MYOM1: variants seen among roughly 807,000 people sequenced by gnomAD.
MYOM1 encodes the protein myomesin-1.
Under a neutral mutation model 205.3 loss-of-function variants are expected in MYOM1, and 164 were observed. The observed-to-expected ratio is 0.80, with a 90% CI of 0.70 to 0.91. The LOEUF (loss-of-function observed/expected upper bound fraction) is 0.91. MYOM1 is among the 40% of genes least tolerant of loss of function. MYOM1 has a pLI of 0.00. For synonymous variants in MYOM1, 772 were observed against 789.4 expected (o/e 0.98, Z 0.37); for missense variants, 2,011 against 2,127.3 (o/e 0.95, Z 1.08).
intron 17 of MYOM1, among the ~76,000 whole-genome samples, chr18:3,130,288 C>T (rs2079856184): frequency 6.6e-6 from 1 of 152,066 alleles, no homozygotes; most frequent in Non-Finnish European, 1.5e-5. Context: ...AGTGATCCAC[C>T]CGCCTTAGCC....
chr18:3,122,304 AAGAT>A (rs956154700), intron 19 of MYOM1, among the ~76,000 whole-genome samples: 3 of 152,176 alleles, frequency 2.0e-5, no homozygotes, highest in African/African-American at 4.8e-5. Context: ...AAGTTTCAGA[AAGAT>A]AGAAAGTTAA....
the MYOM1 span, among the ~76,000 whole-genome samples, chr18:3,232,698 C>T: frequency 6.6e-5 from 10 of 152,280 alleles, no homozygotes; most frequent in Non-Finnish European, 1.3e-4. Flanking sequence ...TTCTATTCAA[C>T]TTATTATGCT....
chr18:3,245,018 CGACT>C, the MYOM1 span, among the ~76,000 whole-genome samples: 5 of 151,224 alleles, frequency 3.3e-5, no homozygotes, highest in East Asian at 5.8e-4. Flanking sequence ...AGGGAGAAGG[CGACT>C]GACTATCTGC....
At position 3,164,337 on chromosome 18, in the gene MYOM1, G is replaced by C. The variant is rs370177143; in HGVS notation, c.1442C>G (p.Thr481Arg). The C allele has an allele frequency of 7.4e-6, 12 of 1,612,608 alleles. No individual in the cohort carries two copies. Among genetic ancestry groups the C allele is most frequent in the East Asian group, 4.5e-5 (2 of 44,900 alleles). ...ATATTCTCCCATCCGTACACGGATT[G>C]TATAGAGGCCTTCATCTTCTTTGTT... Reference protein sequence around the residue: ...HLNKEDEGLYTIRVRMGEYYE... With the variant: ...HLNKEDEGLYRIRVRMGEYYE... Residue 481 changes from threonine to arginine, a missense_variant, in exon 10 of 38, where the codon ACA becomes AGA. Physicochemically the swap from Thr to Arg is moderately conservative, Grantham distance 71. Transcript: ENST00000356443.
chr18:3,128,003 GGGTGAAGT>G (rs2143871800), intron 18 of MYOM1, among the ~76,000 whole-genome samples: 1 of 152,262 alleles, frequency 6.6e-6, no homozygotes, highest in East Asian at 1.9e-4. Flanking sequence ...TGAAGAGAGG[GGGTGAAGT>G]GGTGGAAAGA....
intron 21 of MYOM1, 121 bp downstream of exon 21, chr18:3,116,210 C>T (rs2079602655): frequency 4.7e-6 from 5 of 1,055,256 alleles, no homozygotes; most frequent in Non-Finnish European, 6.7e-6. Flanking sequence ...TGGAATCTTA[C>T]CAGGAGCCCA....
At chr18:3,154,916 A>G (rs1250385918) in intron 11 of MYOM1, 31 bp downstream of exon 11, 2 of 1,599,102 alleles carry the variant, frequency 1.3e-6, no homozygotes, top group African/African-American at 2.7e-5. Context: ...ATGACCAAAT[A>G]ACTGTAATTG....
intron 11 of MYOM1, among the ~76,000 whole-genome samples, 176 bp downstream of exon 11, chr18:3,154,771 C>A (rs1053473578): frequency 2.0e-5 from 3 of 147,402 alleles, no homozygotes; most frequent in South Asian, 2.2e-4. Context: ...AAAGAGAGAG[C>A]GAGAGACTGA....
At chr18:3,186,832 AAG>A (rs1285240453) in intron 5 of MYOM1, among the ~76,000 whole-genome samples, 1 of 151,026 alleles carries the variant, frequency 6.6e-6, no homozygotes, top group Non-Finnish European at 1.5e-5. Flanking sequence ...AAGAGAAAGA[AAG>A]AAGAGAAAAG....
At chr18:3,136,846 C>A (rs1328909572) in intron 14 of MYOM1, among the ~76,000 whole-genome samples, 1 of 152,188 alleles carries the variant, frequency 6.6e-6, no homozygotes, top group Non-Finnish European at 1.5e-5. Flanking sequence ...CACTGAAGAG[C>A]AAATCACATA....
chr18:3,090,101 ATGAAAGTATTTAAACGCAGTCT>A (rs1242767883), intron 27 of MYOM1, among the ~76,000 whole-genome samples: 1 of 152,194 alleles, frequency 6.6e-6, no homozygotes, highest in Non-Finnish European at 1.5e-5. Flanking sequence ...TTGTTTATAT[ATGAAAGTATTTAAACGCAGTCT>A]TGCCTGTGAG....
intron 10 of MYOM1, among the ~76,000 whole-genome samples, chr18:3,156,884 C>G (rs371226447): frequency 3.4e-4 from 52 of 152,336 alleles, no homozygotes; most frequent in African/African-American, 1.1e-3. Flanking sequence ...GCTGGGATTA[C>G]AGGCGTGAGC....
chr18:3,143,159 T>C (rs1474307011), intron 13 of MYOM1, among the ~76,000 whole-genome samples: 1 of 152,162 alleles, frequency 6.6e-6, no homozygotes, highest in African/African-American at 2.4e-5. Context: ...ACACATTATA[T>C]ATTGAGGAAC....
At chr18:3,193,478 A>T (rs2080948375) in intron 3 of MYOM1, among the ~76,000 whole-genome samples, 1 of 151,758 alleles carries the variant, frequency 6.6e-6, no homozygotes, top group Non-Finnish European at 1.5e-5. Flanking sequence ...TCCACTTCCC[A>T]TTCCAGCTAG....
chr18:3,098,321 AGGCTGGAGTGCAGTGGCACGATCTC>A (rs2079332355), intron 25 of MYOM1, among the ~76,000 whole-genome samples: 1 of 152,062 alleles, frequency 6.6e-6, no homozygotes, highest in Non-Finnish European at 1.5e-5. Context: ...TCTGTCACCC[AGGCTGGAGTGCAGTGGCACGATCTC>A]GGCTCACTGC....
At chr18:3,095,879 C>T (rs2079296902) in intron 25 of MYOM1, among the ~76,000 whole-genome samples, 2 of 152,166 alleles carry the variant, frequency 1.3e-5, no homozygotes, top group Admixed American at 1.3e-4. Flanking sequence ...TTACAGGATG[C>T]TCATGCTTGC....
chr18:3,174,056 AC>A lies in MYOM1; in HGVS notation c.1112-57del. 9 of 1,605,774 alleles carry A rather than the reference AC, an allele frequency of 5.6e-6. No individual in the cohort carries two copies. In the South Asian group the frequency reaches 9.9e-5, roughly 18 times the overall value. ...TGCTTTGTGATCGATTTATTTTAAA[AC>A]CATGGGAAGAAATTTTTAAAAACAC... On this transcript the variant is annotated intron_variant, in intron 7 of 37. Coordinates refer to ENST00000356443, the MANE Select transcript of MYOM1 (RefSeq NM_003803.4).
At chr18:3,187,385 A>G in intron 5 of MYOM1, 95 bp downstream of exon 5, 2 of 1,359,494 alleles carry the variant, frequency 1.5e-6, no homozygotes, top group Non-Finnish European at 2.0e-6. Context: ...AGATGTCTTC[A>G]TTGACTCTTG....
intron 25 of MYOM1, among the ~76,000 whole-genome samples, chr18:3,095,337 G>A (rs1298915686): frequency 6.6e-6 from 1 of 152,124 alleles, no homozygotes; most frequent in Non-Finnish European, 1.5e-5. Context: ...GGGAGGCCGA[G>A]GGGGGCAAAT....
Sources: allele counts gnomAD v4.1 joint callset (sites outside exome capture counted in the v4.1 genomes callset), GRCh38; gene constraint gnomAD v4.1.1; transcripts MANE v1.5; gene names NCBI Gene and HGNC (gene_info 2026-07-23, HGNC 2026-07-21).